Variants in ATF7IP2 observed in about 807,000 individuals in gnomAD.
The protein encoded by ATF7IP2 is activating transcription factor 7 interacting protein 2.
In ATF7IP2, 42 loss-of-function variants were observed where a neutral mutation model predicts 64.2. The ratio of observed to expected loss-of-function variants is 0.65; its 90% CI spans 0.51 to 0.85. ATF7IP2 has a LOEUF of 0.85. Ranked by LOEUF, ATF7IP2 falls within the 40% of genes least tolerant of loss-of-function variation. The pLI is 0.00. For synonymous variants in ATF7IP2, 308 were observed against 272.8 expected (o/e 1.13, Z -1.27); for missense variants, 933 against 784.2 (o/e 1.19, Z -2.27).
At position 10,481,966 on chromosome 16, in the gene ATF7IP2, C is replaced by T; in HGVS notation, c.1766C>T (p.Pro589Leu). The T allele has an allele frequency of 1.9e-6, 3 of 1,614,088 alleles. No homozygotes were observed. The highest frequency in any genetic ancestry group is 2.2e-5 in the East Asian group (1 of 44,874). The part of the protein sequence containing the change: ...PELKVKRVFR[P>L]NGIALTWNIT... ...CTCAAAGTGAAACGGGTTTTCAGAC[C>T]CAATGGCATTGCCCTGACTTGGAAT... is the stretch of plus-strand genomic sequence containing the variant. The change falls in exon 14 of 14, where the codon CCC (proline) becomes CTC (leucine). Residue 589 changes from proline (P) to leucine (L), a missense_variant. Transcript: ENST00000562102.
Position 10,473,920 on chromosome 16 carries a change from T to A in ATF7IP2, c.1483-3T>A. 2 of 1,382,898 alleles carry A rather than the reference T, an allele frequency of 1.4e-6. No individual in the cohort carries two copies. The highest frequency in any genetic ancestry group is 2.0e-6 in the Non-Finnish European group (2 of 1,025,200). The allele number at this position is 1,382,898 out of a possible 1,614,324, so 85.7% of individuals were successfully genotyped here. A position where few individuals can be genotyped will look rare whatever the true frequency, so the allele number is the denominator to read the frequency against. On this transcript the variant is annotated splice_region_variant and splice_polypyrimidine_tract_variant and intron_variant, in intron 11 of 13. Transcript: ENST00000562102. ...TTTTTTTTTTTTTTTACAATTTTTTTAGGCTGTACAGAAGAAACTTGATTC... is the reference window on the plus strand; with the variant it reads ...TTTTTTTTTTTTTTTACAATTTTTTAAGGCTGTACAGAAGAAACTTGATTC...
chr16:10,390,210 A>G (rs1317129491), intron 1 of ATF7IP2, among the ~76,000 whole-genome samples: 1 of 152,208 alleles, frequency 6.6e-6, no homozygotes, highest in African/African-American at 2.4e-5. Flanking sequence ...GAGAAACCCA[A>G]TGAAGCAGGA....
intron 3 of ATF7IP2, among the ~76,000 whole-genome samples, chr16:10,423,924 A>C (rs892767620): frequency 6.6e-6 from 1 of 152,212 alleles, no homozygotes; most frequent in Non-Finnish European, 1.5e-5. Flanking sequence ...TTGTTCCGGC[A>C]CACGCATAGA....
chr16:10,448,682 T>G (rs1257110393), intron 8 of ATF7IP2: 2 of 152,226 alleles, frequency 1.3e-5, no homozygotes, highest in East Asian at 3.8e-4. Context: ...GTTTTCTAAA[T>G]ATTATTTAGA....
intron 8 of ATF7IP2, among the ~76,000 whole-genome samples, chr16:10,455,821 G>A (rs1252422687): frequency 1.3e-5 from 2 of 152,150 alleles, no homozygotes; most frequent in Non-Finnish European, 2.9e-5. Flanking sequence ...TTGTTGGTGA[G>A]GACTTGAAAG....
chr16:10,392,621 C>T (rs1457534007), intron 1 of ATF7IP2, among the ~76,000 whole-genome samples: 1 of 152,022 alleles, frequency 6.6e-6, no homozygotes, highest in Non-Finnish European at 1.5e-5. Context: ...GGTCAGCAAA[C>T]CTTTGATATC....
intron 9 of ATF7IP2, among the ~76,000 whole-genome samples, chr16:10,460,549 C>CATGT (rs1356522970): frequency 6.6e-6 from 1 of 152,074 alleles, no homozygotes; most frequent in Non-Finnish European, 1.5e-5. Context: ...TCCGGAAACC[C>CATGT]ATGTATGTAT....
chr16:10,416,719 C>CCCAGTAGG (rs2047887513), intron 2 of ATF7IP2, among the ~76,000 whole-genome samples: 3 of 152,136 alleles, frequency 2.0e-5, no homozygotes. Flanking sequence ...ATCACATGAA[C>CCCAGTAGG]CCAGTAGGCG....
At chr16:10,473,797 T>C (rs2049896857) in intron 11 of ATF7IP2, 126 bp from the exon 12 acceptor site, 2 of 659,236 alleles carry the variant, frequency 3.0e-6, no homozygotes, top group Non-Finnish European at 5.2e-6. Context: ...TTAGAGAATG[T>C]TCCATCTCTA....
chr16:10,482,287 ATTTG>A lies in ATF7IP2; in HGVS notation c.*47_*50del, dbSNP rs768017663. The A allele has an allele frequency of 8.9e-5, 129 of 1,445,604 alleles. No individual in the cohort carries two copies. In the African/African-American group the frequency reaches 1.7e-3, roughly 19 times the overall value. The allele number at this position is 1,445,604 out of a possible 1,614,324, so 89.5% of individuals were successfully genotyped here. On this transcript the variant is annotated 3_prime_UTR_variant, in exon 14 of 14. Coordinates refer to ENST00000562102, the MANE Select transcript of ATF7IP2 (RefSeq NM_001393719.1). ...AATGATATACTACTTTTTTTTTCAT[ATTTG>A]TTTGTTTGCAATGTTACTGTAATAC...
intron 12 of ATF7IP2, among the ~76,000 whole-genome samples, chr16:10,479,215 G>A (rs1490488894): frequency 1.7e-4 from 25 of 145,710 alleles, no homozygotes; most frequent in South Asian, 6.6e-4. Context: ...TGTTTATTGC[G>A]GCACTATTCA....
At chr16:10,478,861 A>G (rs1464847559) in intron 12 of ATF7IP2, among the ~76,000 whole-genome samples, 1 of 152,264 alleles carries the variant, frequency 6.6e-6, no homozygotes, top group Non-Finnish European at 1.5e-5. Context: ...GACACTTCTC[A>G]AAGGAAGACA....
chr16:10,423,532 G>C (rs1300169494), intron 3 of ATF7IP2, among the ~76,000 whole-genome samples: 1 of 152,132 alleles, frequency 6.6e-6, no homozygotes, highest in African/African-American at 2.4e-5. Context: ...GAAAAGAACT[G>C]AGAGCGGTCG....
At chr16:10,417,437 T>C (rs1043565783) in intron 2 of ATF7IP2, among the ~76,000 whole-genome samples, 2 of 152,102 alleles carry the variant, frequency 1.3e-5, no homozygotes, top group Admixed American at 1.3e-4. Flanking sequence ...GCTAGACATA[T>C]CTCACATACA....
chr16:10,421,491 C>A lies in ATF7IP2; in HGVS notation c.-160+1868C>A, dbSNP rs147527093. On this transcript the variant is annotated intron_variant, in intron 3 of 13. Transcript: ENST00000562102. ...ACAGCAGGTTGTATCCAATTTATGT[C>A]CCCTAGTAATTTTTGAAAGTCACTT... Among the ~76,000 whole-genome samples, 16 of 152,230 alleles carry A rather than the reference C, an allele frequency of 1.1e-4. No homozygotes were observed. In the East Asian group the frequency reaches 3.1e-3, roughly 29 times the overall value.
At chr16:10,480,782 C>T (rs1170786881) in intron 12 of ATF7IP2, 97 bp from the exon 13 acceptor site, 6 of 833,588 alleles carry the variant, frequency 7.2e-6, no homozygotes, top group Non-Finnish European at 1.2e-5. Flanking sequence ...TTTTAATTCA[C>T]ATTTAATTAC....
chr16:10,462,438 TGTCTTAATTTTGAAGG>T, intron 9 of ATF7IP2, among the ~76,000 whole-genome samples: 1 of 152,146 alleles, frequency 6.6e-6, no homozygotes, highest in Middle Eastern at 3.2e-3. Context: ...GACTTCATTT[TGTCTTAATTTTGAAGG>T]GTATTTTAAC....
chr16:10,388,414 G>T (rs2047249094), intron 1 of ATF7IP2, among the ~76,000 whole-genome samples: 1 of 152,194 alleles, frequency 6.6e-6, no homozygotes, highest in Non-Finnish European at 1.5e-5. Context: ...AGTTAGCCAT[G>T]AATTATTTAG....
intron 9 of ATF7IP2, among the ~76,000 whole-genome samples, chr16:10,469,314 C>G (rs1175415610): frequency 6.6e-6 from 1 of 152,004 alleles, no homozygotes; most frequent in Non-Finnish European, 1.5e-5. Flanking sequence ...GCATCAGAGA[C>G]CTATGGAACA....
Sources: allele counts gnomAD v4.1 joint callset (sites outside exome capture counted in the v4.1 genomes callset), GRCh38; gene constraint gnomAD v4.1.1; transcripts MANE v1.5; gene names NCBI Gene and HGNC (gene_info 2026-07-23, HGNC 2026-07-21).